Variants in ST18 observed in about 807,000 individuals in gnomAD.
The protein encoded by ST18 is ST18 C2H2C-type zinc finger transcription factor.
Under a neutral mutation model 110.0 loss-of-function variants are expected in ST18, and 50 were observed. The ratio of observed to expected loss-of-function variants is 0.45; its 90% CI spans 0.36 to 0.58. The LOEUF (loss-of-function observed/expected upper bound fraction) is 0.58, where lower values mean the gene tolerates loss of function less well. ST18 is among the 20% of genes least tolerant of loss of function. The pLI, the probability that ST18 is intolerant of heterozygous loss-of-function variation, is 0.00. For missense variants in ST18, 1,306 were observed against 1,280.1 expected (o/e 1.02, Z -0.31); for synonymous variants, 461 against 452.4 (o/e 1.02, Z -0.24).
chr8:52,315,512 G>GT (rs531413278), intron 2 of ST18, among the ~76,000 whole-genome samples: 14 of 152,162 alleles, frequency 9.2e-5, no homozygotes, highest in South Asian at 8.3e-4. Context: ...TTGGCTTGTT[G>GT]TTTTTTCATC....
intron 17 of ST18, among the ~76,000 whole-genome samples, chr8:52,140,063 G>C (rs1029697738): frequency 1.3e-5 from 2 of 152,198 alleles, no homozygotes; most frequent in African/African-American, 4.8e-5. Flanking sequence ...CATCCAAAAA[G>C]TCCTAATCTA....
intron 2 of ST18, among the ~76,000 whole-genome samples, chr8:52,276,335 C>T (rs1277138069): frequency 6.7e-6 from 1 of 149,738 alleles, no homozygotes; most frequent in Admixed American, 6.7e-5. Context: ...GCACCTCACA[C>T]ATACACATCA....
chr8:52,366,844 T>C (rs1828162186), intron 2 of ST18, among the ~76,000 whole-genome samples: 1 of 152,242 alleles, frequency 6.6e-6, no homozygotes, highest in Admixed American at 6.5e-5. Flanking sequence ...GTGTCATTCA[T>C]TATACTATGT....
chr8:52,183,945 A>G (rs2070950780), intron 8 of ST18, among the ~76,000 whole-genome samples: 2 of 152,348 alleles, frequency 1.3e-5, no homozygotes, highest in South Asian at 4.1e-4. Flanking sequence ...TTTGGAGCTG[A>G]AATGAAAGGC....
At chr8:52,205,497 T>C (rs555260848) in intron 8 of ST18, among the ~76,000 whole-genome samples, 8 of 152,240 alleles carry the variant, frequency 5.3e-5, no homozygotes, top group Admixed American at 5.2e-4. Flanking sequence ...CATGATTAGC[T>C]CCTAGGAAAC....
chr8:52,114,630 C>G (rs1182267011), intron 25 of ST18, among the ~76,000 whole-genome samples: 1 of 152,178 alleles, frequency 6.6e-6, no homozygotes, highest in South Asian at 2.1e-4. Context: ...CCTTCTCTTT[C>G]CTGCCTTTGT....
intron 2 of ST18, among the ~76,000 whole-genome samples, chr8:52,352,673 A>G (rs1302249381): frequency 6.6e-6 from 1 of 152,186 alleles, no homozygotes; most frequent in East Asian, 1.9e-4. Context: ...GCTGGGCACT[A>G]GCGACACTCA....
At chr8:52,309,520 C>CAAAAAA (rs756214451) in intron 2 of ST18, among the ~76,000 whole-genome samples, 116 of 37,642 alleles carry the variant, frequency 3.1e-3, no homozygotes, top group South Asian at 9.9e-3. Flanking sequence ...GACTCCATCT[C>CAAAAAA]AAAAAAAAAA....
chr8:52,291,967 G>C (rs1044206994), intron 2 of ST18, among the ~76,000 whole-genome samples: 1 of 152,074 alleles, frequency 6.6e-6, no homozygotes. Flanking sequence ...TACAGACGGG[G>C]TTTCACCATG....
At chr8:52,286,751 A>G (rs1412693358) in intron 2 of ST18, among the ~76,000 whole-genome samples, 1 of 151,068 alleles carries the variant, frequency 6.6e-6, no homozygotes, top group Non-Finnish European at 1.5e-5. Context: ...ACTTCTTCAA[A>G]GCAATGGTAT....
At chr8:52,219,483 T>C (rs1019312240) in intron 5 of ST18, among the ~76,000 whole-genome samples, 7 of 152,202 alleles carry the variant, frequency 4.6e-5, no homozygotes, top group Non-Finnish European at 1.0e-4. Flanking sequence ...TGCACACTAT[T>C]CTTGATTTCA....
chr8:52,117,441 G>A (rs540781330), intron 24 of ST18, among the ~76,000 whole-genome samples: 1 of 152,232 alleles, frequency 6.6e-6, no homozygotes, highest in South Asian at 2.1e-4. Context: ...TTTATTGTCT[G>A]CTTCCTCCTT....
chr8:52,359,401 T>C (rs1206241368), intron 2 of ST18, among the ~76,000 whole-genome samples: 1 of 152,104 alleles, frequency 6.6e-6, no homozygotes, highest in Non-Finnish European at 1.5e-5. Context: ...AAAGCGAACC[T>C]GCCATAACCA....
rs546651388 is a variant in ST18 at position 52,323,669 on chromosome 8, A to G, written c.-465+85659T>C. Among the ~76,000 whole-genome samples the G allele has an allele frequency of 2.0e-5, 3 of 151,876 alleles. No individual in the cohort carries two copies. The South Asian group carries it at 6.3e-4, about 32-fold the overall frequency. On this transcript the variant is annotated intron_variant, in intron 2 of 25. Coordinates refer to ENST00000689386, the MANE Select transcript of ST18 (RefSeq NM_001352837.2). ...GGTCTTGTTTAAATTTAAATCCAAAACCCTCTGCCTCCCATCAGTCTCTGA... is the reference window on the plus strand; with the variant it reads ...GGTCTTGTTTAAATTTAAATCCAAAGCCCTCTGCCTCCCATCAGTCTCTGA...
At chr8:52,287,236 T>C (rs900547330) in intron 2 of ST18, among the ~76,000 whole-genome samples, 3 of 152,246 alleles carry the variant, frequency 2.0e-5, no homozygotes, top group African/African-American at 7.2e-5. Flanking sequence ...ACATAGAACC[T>C]ATCCACAATA....
chr8:52,374,214 C>T (rs1486424375), intron 2 of ST18, among the ~76,000 whole-genome samples: 2 of 152,154 alleles, frequency 1.3e-5, no homozygotes, highest in Non-Finnish European at 2.9e-5. Flanking sequence ...GGTCCTACTA[C>T]ATTAGGGTGT....
chr8:52,336,400 C>G (rs1359986449), intron 2 of ST18, among the ~76,000 whole-genome samples: 1 of 152,156 alleles, frequency 6.6e-6, no homozygotes, highest in African/African-American at 2.4e-5. Context: ...ATCTGCCCAC[C>G]TTGGCCTCTC....
chr8:52,150,085 A>G (rs1464473941), intron 15 of ST18, 108 bp from the exon 16 acceptor site: 2 of 1,409,036 alleles, frequency 1.4e-6, no homozygotes, highest in African/African-American at 2.9e-5. Flanking sequence ...ATGTAAGTAT[A>G]TCTGCTTTTA....
In ST18 at chr8:52,112,942, T is replaced by C. The variant is rs1585998726; in HGVS notation, c.*256A>G. On this transcript the variant is annotated 3_prime_UTR_variant, in exon 26 of 26. Transcript: ENST00000689386. ...ATATACTTTACAAAAAAAAAAAGAG[T>C]ACAATGAAGAAATAAAAGAAAAACA... 1 of 295,004 alleles carries C rather than the reference T, an allele frequency of 3.4e-6. No homozygotes were observed. Among genetic ancestry groups the C allele is most frequent in the African/African-American group, 2.2e-5 (1 of 45,782 alleles). 18.3% of individuals were successfully genotyped at this position (295,004 alleles called of 1,614,324 possible). A position where few individuals can be genotyped will look rare whatever the true frequency, so the allele number is the denominator to read the frequency against.
Sources: allele counts gnomAD v4.1 joint callset (sites outside exome capture counted in the v4.1 genomes callset), GRCh38; gene constraint gnomAD v4.1.1; transcripts MANE v1.5; gene names NCBI Gene and HGNC (gene_info 2026-07-23, HGNC 2026-07-21).